Variants in NRP1 observed in about 807,000 individuals in gnomAD.
NRP1 encodes neuropilin-1.
A neutral mutation model predicts 106.7 loss-of-function variants in NRP1; 35 were observed. The observed-to-expected ratio is 0.33, with a 90% CI of 0.25 to 0.43. NRP1 has a LOEUF of 0.43. Ranked by LOEUF, NRP1 falls within the 20% of genes least tolerant of loss-of-function variation. The pLI, the probability that NRP1 is intolerant of heterozygous loss-of-function variation, is 1.00. For synonymous variants in NRP1, 437 were observed against 417.9 expected (o/e 1.05, Z -0.56); for missense variants, 1,024 against 1,170.4 (o/e 0.87, Z 1.83).
intron 6 of NRP1, among the ~76,000 whole-genome samples, chr10:33,247,630 T>A (rs1249380335): frequency 6.6e-6 from 1 of 152,174 alleles, no homozygotes; most frequent in Non-Finnish European, 1.5e-5. Context: ...CATGAGAGTA[T>A]CTCTCCAGCA....
At chr10:33,264,219 T>G (rs1209301554) in intron 3 of NRP1, among the ~76,000 whole-genome samples, 1 of 152,210 alleles carries the variant, frequency 6.6e-6, no homozygotes, top group Non-Finnish European at 1.5e-5. Flanking sequence ...CCCTTCAAGC[T>G]TAAACCTTTA....
chr10:33,267,082 C>T (rs1221894814), intron 3 of NRP1, among the ~76,000 whole-genome samples: 2 of 152,150 alleles, frequency 1.3e-5, no homozygotes, highest in Non-Finnish European at 2.9e-5. Flanking sequence ...CCTCCCCTCT[C>T]TCTTGCTCCT....
chr10:33,271,120 A>G (rs1300515866), intron 2 of NRP1, among the ~76,000 whole-genome samples: 4 of 152,206 alleles, frequency 2.6e-5, no homozygotes, highest in Non-Finnish European at 4.4e-5. Context: ...AATGTCAGTT[A>G]AAGTAACCAA....
At chr10:33,305,148 A>T (rs186947556) in intron 2 of NRP1, among the ~76,000 whole-genome samples, 373 of 152,384 alleles carry the variant, frequency 2.4e-3, no homozygotes, top group Non-Finnish European at 4.3e-3. Flanking sequence ...AAGATCTGCT[A>T]TCATATATTT....
At chr10:33,241,055 A>T (rs1203501530) in intron 6 of NRP1, among the ~76,000 whole-genome samples, 1 of 152,224 alleles carries the variant, frequency 6.6e-6, no homozygotes, top group Non-Finnish European at 1.5e-5. Flanking sequence ...ATTTTCAAAG[A>T]ATGACTCTCC....
intron 2 of NRP1, among the ~76,000 whole-genome samples, chr10:33,319,568 TTTTCTTTCTTTC>T (rs1293392507): frequency 2.0e-5 from 3 of 148,646 alleles, no homozygotes; most frequent in Admixed American, 6.7e-5. Context: ...CATCTTTTTT[TTTTCTTTCTTTC>T]TTTCTTTCTT....
Position 33,185,680 on chromosome 10 carries a change from A to T in NRP1, c.2379T>A (p.Ile793=). Residue 793 remains isoleucine, a synonymous_variant, in exon 15 of 17, where the codon ATT becomes ATA. Coordinates refer to ENST00000374867, the MANE Select transcript of NRP1 (RefSeq NM_003873.7). ...TATTAATACTAATGTCATCCACAGC[A>T]ATCCCACCAAGGTTTCCTTTTCCGA... The part of the protein sequence containing the change: ...GEIGKGNLGG[I]AVDDISINNH... 1 of 1,614,196 alleles carries T rather than the reference A, an allele frequency of 6.2e-7. No individual in the cohort carries two copies. Among genetic ancestry groups the T allele is most frequent in the South Asian group, 1.1e-5 (1 of 91,086 alleles).
At chr10:33,230,451 AC>A (rs1840020300) in intron 6 of NRP1, among the ~76,000 whole-genome samples, 1 of 152,232 alleles carries the variant, frequency 6.6e-6, no homozygotes, top group Admixed American at 6.5e-5. Context: ...AGCAGGAGAT[AC>A]ATTTCCTTTT....
chr10:33,201,216 C>T (rs1211217644), intron 11 of NRP1: 2 of 152,166 alleles, frequency 1.3e-5, no homozygotes, highest in African/African-American at 2.4e-5. Flanking sequence ...CTAACATACT[C>T]GCCCTATTTC....
At chr10:33,294,649 A>G (rs1226381446) in intron 2 of NRP1, among the ~76,000 whole-genome samples, 1 of 152,070 alleles carries the variant, frequency 6.6e-6, no homozygotes, top group Non-Finnish European at 1.5e-5. Context: ...ATGTCCTAAT[A>G]ACTGTGCTAA....
intron 2 of NRP1, among the ~76,000 whole-genome samples, chr10:33,298,898 C>T (rs1249492374): frequency 6.6e-6 from 1 of 152,158 alleles, no homozygotes; most frequent in Non-Finnish European, 1.5e-5. Flanking sequence ...ATATTCTTCC[C>T]ACTAATCAAA....
chr10:33,218,048 C>A (rs895096484), intron 8 of NRP1, among the ~76,000 whole-genome samples: 1 of 152,160 alleles, frequency 6.6e-6, no homozygotes, highest in African/African-American at 2.4e-5. Context: ...TGTCTGAGAT[C>A]ATCACTGTGA....
At chr10:33,212,046 CA>C (rs1838345924) in intron 9 of NRP1, 1 of 152,092 alleles carries the variant, frequency 6.6e-6, no homozygotes, top group Non-Finnish European at 1.5e-5. Flanking sequence ...TGCATGTTCG[CA>C]AATAAATTTA....
intron 6 of NRP1, chr10:33,249,358 C>A (rs1159304208): frequency 4.5e-6 from 2 of 439,748 alleles, no homozygotes; most frequent in Non-Finnish European, 4.5e-6. Context: ...AAAGGAAAAA[C>A]TGAAACTGCA....
intron 6 of NRP1, among the ~76,000 whole-genome samples, chr10:33,239,923 A>G (rs531854822): frequency 8.5e-5 from 13 of 152,352 alleles, no homozygotes; most frequent in African/African-American, 3.1e-4. Context: ...TGAAAATAGA[A>G]CAACATCAGA....
rs536238809 is a variant in NRP1, at chr10:33,207,266, C to T, written c.1759+306G>A. On this transcript the variant is annotated intron_variant, in intron 10 of 16. Transcript: ENST00000374867. ...TAACTGCCACTGAGTTGTTCCCCTT[C>T]AAGAGGTGAAATTTATGTTCTATGA... 4.6e-5 allele frequency among the ~76,000 whole-genome samples: 7 copies of T among 152,176 alleles called. No individual in the cohort carries two copies. The South Asian group carries it at 1.2e-3, about 27-fold the overall frequency.
intron 6 of NRP1, 130 bp from the exon 7 acceptor site, chr10:33,226,419 G>A (rs1839677861): frequency 3.4e-6 from 3 of 879,604 alleles, no homozygotes; most frequent in African/African-American, 1.7e-5. Context: ...TCCATCGGGT[G>A]TCCACAGTCC....
chr10:33,245,864 A>C (rs1841382214), intron 6 of NRP1, among the ~76,000 whole-genome samples: 3 of 152,348 alleles, frequency 2.0e-5, no homozygotes, highest in African/African-American at 7.2e-5. Context: ...AAACAGTAAG[A>C]AACCAAAACT....
At chr10:33,320,827 C>T (rs562610049) in intron 2 of NRP1, among the ~76,000 whole-genome samples, 34 of 152,202 alleles carry the variant, frequency 2.2e-4, no homozygotes, top group African/African-American at 7.9e-4. Context: ...GGTCTGCCAC[C>T]CAAACGAGAG....
Sources: gnomAD v4.1 joint callset for allele counts (sites outside exome capture counted in the v4.1 genomes callset) on GRCh38, gnomAD v4.1.1 for gene constraint, MANE v1.5 for transcripts, NCBI Gene and HGNC (gene_info 2026-07-23, HGNC 2026-07-21) for gene names.